The following NRG3 variants were observed in gnomAD, a reference collection of about 807,000 sequenced individuals.
The protein encoded by NRG3 is neuregulin 3.
A neutral mutation model predicts 66.9 loss-of-function variants in NRG3; 31 were observed. That is an observed-to-expected ratio of 0.46 (90% CI 0.35 to 0.63). NRG3 has a LOEUF of 0.63. Ranked by LOEUF, NRG3 falls within the 20% of genes least tolerant of loss-of-function variation. The pLI is 0.00. For synonymous variants in NRG3, 393 were observed against 359.4 expected, an observed-to-expected ratio of 1.09 and a Z score of -1.06; for missense variants, 910 against 878.9, an observed-to-expected ratio of 1.04 and a Z score of -0.45.
intron 1 of NRG3, among the ~76,000 whole-genome samples, chr10:81,880,237 C>T (rs1009840217): frequency 8.6e-5 from 13 of 151,980 alleles, no homozygotes; most frequent in African/African-American, 2.4e-4. Flanking sequence ...AGTTTGGACT[C>T]GTTGGTCTCC....
chr10:82,004,235 A>T (rs1373071551), intron 1 of NRG3, among the ~76,000 whole-genome samples: 1 of 152,198 alleles, frequency 6.6e-6, no homozygotes, highest in South Asian at 2.1e-4. Context: ...TTACATATCT[A>T]CACACATATA....
At position 82,550,042 on chromosome 10, in the gene NRG3, C is replaced by T. The variant is rs189032716; in HGVS notation, c.954-188535C>T. On this transcript the variant is annotated intron_variant, in intron 2 of 8. Transcript: ENST00000372141. ...TATTTTCCCTCATCTAAAGAAATTTCCCAAGAGATGAACCAGAATGCAAAT... is the reference window on the plus strand; with the variant it reads ...TATTTTCCCTCATCTAAAGAAATTTTCCAAGAGATGAACCAGAATGCAAAT... 2.5e-3 allele frequency among the ~76,000 whole-genome samples: 374 copies of T among 152,126 alleles called. 1 individual carries two copies. Among genetic ancestry groups the T allele is most frequent in the Non-Finnish European group, 3.3e-3 (224 of 67,992 alleles).
chr10:82,454,911 C>T (rs939013764), intron 2 of NRG3, among the ~76,000 whole-genome samples: 1 of 152,218 alleles, frequency 6.6e-6, no homozygotes, highest in African/African-American at 2.4e-5. Context: ...AACGTACTCT[C>T]ATTGAGTTTT....
rs186325208 is a variant in NRG3 at position 82,869,781 on chromosome 10, G to A, written c.1054+4344G>A. On this transcript the variant is annotated intron_variant, in intron 4 of 8. Coordinates refer to ENST00000372141, the MANE Select transcript of NRG3 (RefSeq NM_001010848.4). ...CATCACCATGCCCGGCTAATTTTTC[G>A]TATTTTTAGTAGAGACGGGGTTTTC... Among the ~76,000 whole-genome samples the A allele has an allele frequency of 1.6e-3, 247 of 151,370 alleles. 8 individuals are homozygous for A. The East Asian group carries it at 0.043, about 27-fold the overall frequency.
chr10:81,889,216 T>G (rs1842840961), intron 1 of NRG3: 1 of 152,224 alleles, frequency 6.6e-6, no homozygotes, highest in Non-Finnish European at 1.5e-5. Context: ...AACTCCTTTA[T>G]GAATTGATTG....
At chr10:82,368,783 C>A (rs2084701741) in intron 2 of NRG3, among the ~76,000 whole-genome samples, 1 of 138,768 alleles carries the variant, frequency 7.2e-6, no homozygotes, top group South Asian at 2.1e-4. Flanking sequence ...AAGAACATAT[C>A]CATAAATATT....
chr10:82,571,806 A>T (rs1016191318), intron 2 of NRG3, among the ~76,000 whole-genome samples: 1 of 151,716 alleles, frequency 6.6e-6, no homozygotes, highest in Non-Finnish European at 1.5e-5. Context: ...ATGGTGAATA[A>T]CTAGTGATTA....
At chr10:82,597,371 C>T (rs1055142003) in intron 2 of NRG3, among the ~76,000 whole-genome samples, 5 of 152,144 alleles carry the variant, frequency 3.3e-5, no homozygotes, top group African/African-American at 9.7e-5. Context: ...AATTATTTCA[C>T]GGCCCTTGAA....
At chr10:82,472,750 C>A (rs1036960718) in intron 2 of NRG3, among the ~76,000 whole-genome samples, 1 of 152,236 alleles carries the variant, frequency 6.6e-6, no homozygotes, top group Non-Finnish European at 1.5e-5. Context: ...TAGTGTCCTA[C>A]AGTCTTTTAC....
At chr10:82,382,950 GA>G (rs1475352484) in intron 2 of NRG3, among the ~76,000 whole-genome samples, 1 of 151,816 alleles carries the variant, frequency 6.6e-6, no homozygotes, top group Non-Finnish European at 1.5e-5. Context: ...ATGTACTTAA[GA>G]CTTTAATTTA....
rs1450843425 is a variant in NRG3, at chr10:82,487,082, T to C, written c.953+128214T>C. ...ATATGTATAATATATGTATATATAA[T>C]ACACTATATATATCTATTATATAGA... is the stretch of plus-strand genomic sequence containing the variant. On this transcript the variant is annotated intron_variant, in intron 2 of 8. Transcript: ENST00000372141. Among the ~76,000 whole-genome samples the C allele has an allele frequency of 2.0e-5, 3 of 148,458 alleles. No individual in the cohort carries two copies. The East Asian group carries it at 5.8e-4, about 29-fold the overall frequency.
intron 2 of NRG3, among the ~76,000 whole-genome samples, chr10:82,571,847 G>A (rs771392655): frequency 6.6e-6 from 1 of 151,474 alleles, no homozygotes; most frequent in Admixed American, 6.6e-5. Context: ...ATATACAAAT[G>A]TATGCAAAAA....
At chr10:82,118,515 G>A (rs540499756) in intron 1 of NRG3, among the ~76,000 whole-genome samples, 39 of 151,984 alleles carry the variant, frequency 2.6e-4, no homozygotes, top group Admixed American at 2.1e-3. Context: ...GTTTGAAATG[G>A]AACTATTTAA....
At chr10:82,680,005 C>T (rs1424528064) in intron 2 of NRG3, among the ~76,000 whole-genome samples, 1 of 151,984 alleles carries the variant, frequency 6.6e-6, no homozygotes, top group Non-Finnish European at 1.5e-5. Flanking sequence ...ATATCAATGC[C>T]ATGGTTTGTA....
intron 2 of NRG3, among the ~76,000 whole-genome samples, chr10:82,363,557 G>A (rs575918477): frequency 2.0e-5 from 3 of 152,182 alleles, no homozygotes; most frequent in South Asian, 2.1e-4. Context: ...CCAGGTTCAC[G>A]CCATTCTCCT....
chr10:82,044,730 C>T (rs1308000811), intron 1 of NRG3, among the ~76,000 whole-genome samples: 1 of 151,858 alleles, frequency 6.6e-6, no homozygotes, highest in African/African-American at 2.4e-5. Context: ...TCCCTGCTCT[C>T]CCCACCCCAC....
At chr10:82,887,046 CA>C (rs1842777786) in intron 4 of NRG3, among the ~76,000 whole-genome samples, 1 of 152,176 alleles carries the variant, frequency 6.6e-6, no homozygotes, top group Admixed American at 6.5e-5. Context: ...ATGTCTCACG[CA>C]GTCATTATTT....
At chr10:82,438,327 CCA>C (rs1213781699) in intron 2 of NRG3, among the ~76,000 whole-genome samples, 1 of 152,246 alleles carries the variant, frequency 6.6e-6, no homozygotes, top group South Asian at 2.1e-4. Context: ...GGCCCTCTGG[CCA>C]CAGACTGCCA....
Position 82,944,239 on chromosome 10 carries a change from A to G in NRG3, c.1055-7230A>G, listed in dbSNP as rs549604871. 6.6e-5 allele frequency among the ~76,000 whole-genome samples: 10 copies of G among 152,330 alleles called. No individual in the cohort carries two copies. In the South Asian group the frequency reaches 2.1e-3, roughly 32 times the overall value. ...ACATTTGACTAGCTTCAAGTAAAAA[A>G]CAAAACAAAACAAAAAACATACTGC... On this transcript the variant is annotated intron_variant, in intron 4 of 8. Transcript: ENST00000372141.
Sources: allele counts gnomAD v4.1 joint callset (sites outside exome capture counted in the v4.1 genomes callset), GRCh38; gene constraint gnomAD v4.1.1; transcripts MANE v1.5; gene names NCBI Gene and HGNC (gene_info 2026-07-23, HGNC 2026-07-21).